Variants in UST observed in about 807,000 individuals in gnomAD.
UST encodes the protein uronyl 2-sulfotransferase.
In UST, 21 loss-of-function variants were observed where a neutral mutation model predicts 45.6. The observed-to-expected ratio is 0.46, with a 90% CI of 0.33 to 0.66. The LOEUF (loss-of-function observed/expected upper bound fraction) is 0.66. Among genes scored for constraint, UST ranks in the 30% least tolerant of loss-of-function variants. The pLI, the probability that UST is intolerant of heterozygous loss-of-function variation, is 0.02. For missense variants in UST, 463 were observed against 512.4 expected (o/e 0.90, Z 0.93); for synonymous variants, 215 against 200.6 (o/e 1.07, Z -0.61).
chr6:148,775,855 C>T (rs1776523834), intron 1 of UST, among the ~76,000 whole-genome samples: 1 of 152,042 alleles, frequency 6.6e-6, no homozygotes, highest in African/African-American at 2.4e-5. Context: ...TGATCTCGAA[C>T]TCCTGACCTC....
intron 3 of UST, among the ~76,000 whole-genome samples, chr6:148,950,557 C>T (rs1780345105): frequency 1.3e-5 from 2 of 152,224 alleles, no homozygotes. Context: ...CTGATCCCAT[C>T]TCGGATCACT....
chr6:148,948,451 A>C (rs1582915956), intron 3 of UST, among the ~76,000 whole-genome samples: 1 of 152,198 alleles, frequency 6.6e-6, no homozygotes, highest in Non-Finnish European at 1.5e-5. Context: ...TTTCTGCTGC[A>C]CCATCCCAGC....
chr6:148,823,522 T>G (rs1777506316), intron 1 of UST, among the ~76,000 whole-genome samples: 1 of 152,352 alleles, frequency 6.6e-6, no homozygotes, highest in African/African-American at 2.4e-5. Flanking sequence ...GAATTATATT[T>G]TCTTTCTTAA....
At chr6:148,936,111 C>T (rs1019751959) in intron 2 of UST, among the ~76,000 whole-genome samples, 4 of 152,172 alleles carry the variant, frequency 2.6e-5, no homozygotes, top group South Asian at 2.1e-4. Flanking sequence ...GCTGGGCTTT[C>T]GTGGTTATGT....
At chr6:148,761,047 T>C (rs926119034) in intron 1 of UST, among the ~76,000 whole-genome samples, 2 of 152,218 alleles carry the variant, frequency 1.3e-5, no homozygotes, top group African/African-American at 2.4e-5. Context: ...AGGGATCCTC[T>C]TCGAAGCTGT....
intron 1 of UST, among the ~76,000 whole-genome samples, chr6:148,867,665 T>TGC (rs1361012481): frequency 6.6e-6 from 1 of 152,136 alleles, no homozygotes; most frequent in Non-Finnish European, 1.5e-5. Context: ...CATGCTCTCA[T>TGC]CTGCCACCAT....
intron 5 of UST, among the ~76,000 whole-genome samples, chr6:149,001,891 A>T (rs1055340710): frequency 1.3e-5 from 2 of 152,214 alleles, no homozygotes; most frequent in Non-Finnish European, 2.9e-5. Flanking sequence ...AGTTGCTAAA[A>T]TTCATCTCCG....
chr6:149,067,876 A>G (rs182802208), intron 7 of UST, among the ~76,000 whole-genome samples: 1 of 152,350 alleles, frequency 6.6e-6, no homozygotes, highest in East Asian at 1.9e-4. Context: ...TGCCTGGGAT[A>G]GAATGTTTCC....
chr6:148,877,489 G>A (rs1437589963), intron 1 of UST, among the ~76,000 whole-genome samples: 2 of 93,408 alleles, frequency 2.1e-5, no homozygotes, highest in Non-Finnish European at 4.3e-5. Flanking sequence ...ATGTACGAGT[G>A]CTGGGGTCGT....
At chr6:148,824,835 C>T (rs1164050705) in intron 1 of UST, among the ~76,000 whole-genome samples, 30 of 128,652 alleles carry the variant, frequency 2.3e-4, no homozygotes, top group Non-Finnish European at 3.4e-4. Flanking sequence ...CCCCCTCCCC[C>T]GACCCCACCA....
intron 1 of UST, among the ~76,000 whole-genome samples, chr6:148,804,707 T>TCATA (rs1300212961): frequency 6.6e-6 from 1 of 152,096 alleles, no homozygotes; most frequent in African/African-American, 2.4e-5. Context: ...AAATGTGATT[T>TCATA]CATATTATTT....
At chr6:149,065,689 G>A (rs1463033927) in intron 7 of UST, among the ~76,000 whole-genome samples, 1 of 152,088 alleles carries the variant, frequency 6.6e-6, no homozygotes, top group Admixed American at 6.6e-5. Flanking sequence ...CACCTCACAG[G>A]GTTATTGAGA....
At chr6:148,918,363 T>TC (rs1779630695) in intron 2 of UST, among the ~76,000 whole-genome samples, 1 of 152,206 alleles carries the variant, frequency 6.6e-6, no homozygotes, top group Non-Finnish European at 1.5e-5. Context: ...TAATCGCTTT[T>TC]CCCCCAGCCT....
At chr6:148,890,768 A>T (rs983375273) in intron 2 of UST, among the ~76,000 whole-genome samples, 1 of 152,194 alleles carries the variant, frequency 6.6e-6, no homozygotes, top group Non-Finnish European at 1.5e-5. Flanking sequence ...TTTTTGAACT[A>T]AGCCGCTATT....
intron 5 of UST, among the ~76,000 whole-genome samples, chr6:148,991,443 G>C (rs867405521): frequency 6.6e-6 from 1 of 151,696 alleles, no homozygotes; most frequent in African/African-American, 2.4e-5. Context: ...CATGTGCCAT[G>C]TTGGTGTGCT....
chr6:149,054,982 A>G (rs1300914324), intron 7 of UST, among the ~76,000 whole-genome samples: 2 of 152,196 alleles, frequency 1.3e-5, no homozygotes, highest in South Asian at 4.1e-4. Context: ...ATCGCATGAG[A>G]ACCCACAGCT....
intron 5 of UST, among the ~76,000 whole-genome samples, chr6:149,017,627 A>G (rs1471053614): frequency 1.3e-5 from 2 of 152,062 alleles, no homozygotes; most frequent in African/African-American, 4.8e-5. Context: ...TTTATCCAAG[A>G]CTTTTCAGGA....
chr6:148,967,222 G>C (rs1157724754), intron 5 of UST, among the ~76,000 whole-genome samples: 1 of 152,124 alleles, frequency 6.6e-6, no homozygotes, highest in Non-Finnish European at 1.5e-5. Flanking sequence ...TAAGCACTGT[G>C]TTCGGGAAGG....
chr6:148,790,805 GGCCATCCCA>G lies in UST; in HGVS notation c.247+43130_247+43138del, dbSNP rs1487552986. ...GCGTCAATCTGGGACAACTCTGATG[GGCCATCCCA>G]GTTCCAGAGCTCCTGTGGGACAGGC... is the stretch of plus-strand genomic sequence containing the variant. On this transcript the variant is annotated intron_variant, in intron 1 of 7. Transcript: ENST00000367463. The surrounding 1 kb of genome is among the most constrained non-coding windows in gnomAD (Gnocchi z 4.2). Among the ~76,000 whole-genome samples the G allele has an allele frequency of 2.0e-5, 3 of 152,290 alleles. No individual in the cohort carries two copies. The highest frequency in any genetic ancestry group is 6.5e-5 in the Admixed American group (1 of 15,302).
Sources: allele counts gnomAD v4.1 joint callset (sites outside exome capture counted in the v4.1 genomes callset), GRCh38; gene constraint gnomAD v4.1.1; non-coding constraint Gnocchi (gnomAD v3.1); transcripts MANE v1.5; gene names NCBI Gene and HGNC (gene_info 2026-07-23, HGNC 2026-07-21).